The following PI4KA variants were observed in gnomAD, a reference collection of about 807,000 sequenced individuals.
PI4KA encodes PI4-kinase alpha.
In PI4KA, 122 loss-of-function variants were observed where a neutral mutation model predicts 271.4. The ratio of observed to expected loss-of-function variants is 0.45; its 90% CI spans 0.39 to 0.52. PI4KA has a LOEUF of 0.52. Among genes scored for constraint, PI4KA ranks in the 20% least tolerant of loss-of-function variants. The probability of loss-of-function intolerance (pLI) is 0.00; values close to 1 mark genes in which losing one functional copy is unlikely to be tolerated. For missense variants in PI4KA, 1,969 were observed against 2,769.1 expected, an observed-to-expected ratio of 0.71 and a Z score of 6.48; for synonymous variants, 1,041 against 1,078.8, an observed-to-expected ratio of 0.96 and a Z score of 0.69.
intron 32 of PI4KA, among the ~76,000 whole-genome samples, chr22:20,737,405 AC>A (rs1928858942): frequency 6.6e-6 from 1 of 152,036 alleles, no homozygotes; most frequent in Non-Finnish European, 1.5e-5. Context: ...CTGTACTCCA[AC>A]TGCCCTGCCC....
At chr22:20,769,573 G>A (rs1280308270) in intron 19 of PI4KA, among the ~76,000 whole-genome samples, 2 of 151,928 alleles carry the variant, frequency 1.3e-5, no homozygotes, top group African/African-American at 4.8e-5. Context: ...GGAGGCTGAA[G>A]CAGGAGAATC....
intron 19 of PI4KA, among the ~76,000 whole-genome samples, chr22:20,771,125 A>G (rs904530591): frequency 6.6e-6 from 1 of 152,068 alleles, no homozygotes; most frequent in African/African-American, 2.4e-5. Flanking sequence ...ACTGCTCTAC[A>G]GTGGGGTTAA....
chr22:20,738,817 A>T (rs1056934256), intron 32 of PI4KA, among the ~76,000 whole-genome samples: 2 of 148,254 alleles, frequency 1.3e-5, no homozygotes, highest in Admixed American at 6.7e-5. Context: ...TGCTTAAAAT[A>T]AAAAAAAAAG....
At position 20,803,184 on chromosome 22, in the gene PI4KA, T is replaced by C; in HGVS notation, c.1591+7A>G. ...CAGGGCCTGAAGGGCACATAGTCTG[T>C]TATTACCTGTGTGGTACTGACTGTG... is the stretch of plus-strand genomic sequence containing the variant. On this transcript the variant is annotated splice_region_variant and intron_variant, in intron 13 of 54. Transcript: ENST00000255882. The C allele has an allele frequency of 6.2e-7, 1 of 1,613,914 alleles. No homozygotes were observed. Among genetic ancestry groups the C allele is most frequent in the South Asian group, 1.1e-5 (1 of 91,064 alleles).
intron 22 of PI4KA, among the ~76,000 whole-genome samples, chr22:20,763,043 T>G (rs1932160594): frequency 7.6e-6 from 1 of 130,764 alleles, no homozygotes; most frequent in Non-Finnish European, 1.6e-5. Context: ...TAGAGACAAG[T>G]TCTTGCTCTG....
intron 19 of PI4KA, among the ~76,000 whole-genome samples, chr22:20,783,783 T>G (rs1302564695): frequency 4.6e-5 from 7 of 152,120 alleles, no homozygotes; most frequent in Admixed American, 3.9e-4. Flanking sequence ...CCGGGTAACC[T>G]CTCGTTAACC....
intron 30 of PI4KA, among the ~76,000 whole-genome samples, chr22:20,743,920 G>C (rs1424638232): frequency 2.0e-5 from 3 of 152,134 alleles, no homozygotes; most frequent in African/African-American, 7.2e-5. Flanking sequence ...CGGGCGTGGT[G>C]GTGGGTGCCT....
intron 42 of PI4KA, chr22:20,725,807 G>C (rs1927281517): frequency 3.6e-6 from 1 of 279,230 alleles, no homozygotes; most frequent in African/African-American, 2.2e-5. Context: ...TAGCGGGGAA[G>C]GTGCTGAGGT....
chr22:20,812,562 T>C (rs191847258), intron 8 of PI4KA, among the ~76,000 whole-genome samples: 3 of 152,258 alleles, frequency 2.0e-5, no homozygotes, highest in African/African-American at 7.2e-5. Context: ...CTTTATTTTG[T>C]AATTTTTTTT....
chr22:20,777,033 GT>G (rs940118924), intron 19 of PI4KA, among the ~76,000 whole-genome samples: 6 of 108,668 alleles, frequency 5.5e-5, no homozygotes, highest in Non-Finnish European at 1.1e-4. Context: ...ACAAAAGGCA[GT>G]TTTTTTTTGT....
At chr22:20,744,967 T>C (rs1243363123) in intron 29 of PI4KA, among the ~76,000 whole-genome samples, 1 of 152,064 alleles carries the variant, frequency 6.6e-6, no homozygotes, top group African/African-American at 2.4e-5. Flanking sequence ...AAATAGGCCT[T>C]TGCAAGAAAA....
At chr22:20,715,399 A>C (rs558929734) in intron 45 of PI4KA, among the ~76,000 whole-genome samples, 1 of 151,376 alleles carries the variant, frequency 6.6e-6, no homozygotes, top group African/African-American at 2.4e-5. Flanking sequence ...CTACTCTCTC[A>C]AAAGGCTTAC....
chr22:20,779,278 G>A, intron 19 of PI4KA: 1 of 1,613,468 alleles, frequency 6.2e-7, no homozygotes, highest in South Asian at 1.1e-5. Flanking sequence ...CTTTCACTGT[G>A]TTCTGTTTTC....
At chr22:20,732,706 G>A (rs1188536773) in intron 36 of PI4KA, among the ~76,000 whole-genome samples, 1 of 152,180 alleles carries the variant, frequency 6.6e-6, no homozygotes, top group East Asian at 1.9e-4. Flanking sequence ...GTGTGTGAAC[G>A]CAGCTGGTGC....
At chr22:20,750,642 C>T (rs1169632344) in intron 27 of PI4KA, among the ~76,000 whole-genome samples, 1 of 152,228 alleles carries the variant, frequency 6.6e-6, no homozygotes, top group Non-Finnish European at 1.5e-5. Context: ...GATGGAAGGG[C>T]AGGCTCTGCG....
At chr22:20,784,741 C>T (rs1157845127) in intron 19 of PI4KA, among the ~76,000 whole-genome samples, 3 of 152,108 alleles carry the variant, frequency 2.0e-5, no homozygotes, top group Admixed American at 1.3e-4. Context: ...TATTATTATT[C>T]GTTACTTTGT....
chr22:20,787,081 G>C (rs927921468), intron 19 of PI4KA: 2 of 1,610,658 alleles, frequency 1.2e-6, no homozygotes, highest in Admixed American at 1.7e-5. Flanking sequence ...GGAGGTCTAG[G>C]TGTCTGAAGT....
rs113682919 is a variant in PI4KA, at chr22:20,793,304, AAC to A, written c.2278-63_2278-62del. On this transcript the variant is annotated intron_variant, in intron 18 of 54. Coordinates refer to ENST00000255882, the MANE Select transcript of PI4KA (RefSeq NM_058004.4). The stretch of plus-strand genomic sequence containing the variant: ...TGTGTTTCTTTTATTAAAAAAAAAA[AAC>A]ACAAGATACAACATAGTGTTATGTA... The A allele has an allele frequency of 1.2e-5, 11 of 940,752 alleles. No individual in the cohort carries two copies. The Admixed American group carries it at 1.5e-4, about 13-fold the overall frequency. The allele number at this position is 940,752 out of a possible 1,614,324, so 58.3% of individuals were successfully genotyped here. A position where few individuals can be genotyped will look rare whatever the true frequency, so the allele number is the denominator to read the frequency against.
At chr22:20,751,130 C>G (rs180988331) in intron 27 of PI4KA, among the ~76,000 whole-genome samples, 163 bp downstream of exon 27, 3 of 152,128 alleles carry the variant, frequency 2.0e-5, no homozygotes, top group Middle Eastern at 3.4e-3. Context: ...CTCGGTGGAG[C>G]CTGGCAATGG....
Sources: allele counts gnomAD v4.1 joint callset (sites outside exome capture counted in the v4.1 genomes callset), GRCh38; gene constraint gnomAD v4.1.1; transcripts MANE v1.5; gene names NCBI Gene and HGNC (gene_info 2026-07-23, HGNC 2026-07-21).